SYT17: variants seen among roughly 807,000 people sequenced by gnomAD.
The protein encoded by SYT17 is synaptotagmin 17.
A neutral mutation model predicts 46.7 loss-of-function variants in SYT17; 22 were observed. The ratio of observed to expected loss-of-function variants is 0.47; its 90% CI spans 0.34 to 0.67. The LOEUF (loss-of-function observed/expected upper bound fraction) is 0.67, where lower values mean the gene tolerates loss of function less well. Among genes scored for constraint, SYT17 ranks in the 30% least tolerant of loss-of-function variants. SYT17 has a pLI of 0.01. For missense variants in SYT17, 519 were observed against 612.8 expected (o/e 0.85, Z 1.62); for synonymous variants, 251 against 248.4 (o/e 1.01, Z -0.10).
chr16:19,219,764 C>G lies in SYT17; in HGVS notation c.952-3281C>G, dbSNP rs58676816. Among the ~76,000 whole-genome samples, 1,029 of 152,326 alleles carry G rather than the reference C, an allele frequency of 6.8e-3. 14 individuals carry two copies. Among genetic ancestry groups the G allele is most frequent in the African/African-American group, 0.023 (972 of 41,560 alleles). On this transcript the variant is annotated intron_variant, in intron 5 of 7. Coordinates refer to ENST00000355377, the MANE Select transcript of SYT17 (RefSeq NM_016524.4). ...AAATCTGTGTGCTATCCATCCCCCCCACAGGAGTGTATGTTCCATAAAGTC... is the reference window on the plus strand; with the variant it reads ...AAATCTGTGTGCTATCCATCCCCCCGACAGGAGTGTATGTTCCATAAAGTC...
intron 5 of SYT17, among the ~76,000 whole-genome samples, chr16:19,204,801 A>G (rs1025997911): frequency 1.3e-4 from 20 of 152,004 alleles, no homozygotes; most frequent in Non-Finnish European, 2.9e-4. Context: ...CAGCTTTGGA[A>G]ACACTGAACT....
intron 7 of SYT17, among the ~76,000 whole-genome samples, chr16:19,236,672 A>C (rs1222609273): frequency 2.0e-5 from 3 of 152,248 alleles, no homozygotes; most frequent in Non-Finnish European, 4.4e-5. Context: ...CATAGGGCAG[A>C]GTCCAGGAGG....
At chr16:19,249,955 A>T (rs74011561) in intron 7 of SYT17, 2 of 1,536,034 alleles carry the variant, frequency 1.3e-6, no homozygotes, top group African/African-American at 2.7e-5. Flanking sequence ...CAACAGCCCC[A>T]TACCAGCCTG....
Position 19,168,836 on chromosome 16 carries a change from A to G in SYT17, c.15+175A>G, listed in dbSNP as rs1007019764. Among the ~76,000 whole-genome samples the G allele has an allele frequency of 6.6e-6, 1 of 151,870 alleles. No homozygotes were observed. Among genetic ancestry groups the G allele is most frequent in the Non-Finnish European group, 1.5e-5 (1 of 67,938 alleles). ...AGCAACAGGGGTGCGCCCCGGGAGG[A>G]GAGACTGGGGACCCCCAAACCCCGG... On this transcript the variant is annotated intron_variant, in intron 1 of 7. Coordinates refer to ENST00000355377, the MANE Select transcript of SYT17 (RefSeq NM_016524.4). The surrounding 1 kb of genome is among the most constrained non-coding windows in gnomAD (Gnocchi z 6.9).
intron 1 of SYT17, among the ~76,000 whole-genome samples, chr16:19,169,129 C>A (rs1052115398): frequency 1.3e-5 from 2 of 152,182 alleles, no homozygotes; most frequent in African/African-American, 4.8e-5. Flanking sequence ...GTCGTCTCTC[C>A]TGGGCACTGG....
intron 7 of SYT17, among the ~76,000 whole-genome samples, chr16:19,241,576 C>T (rs1967127800): frequency 6.6e-6 from 1 of 152,202 alleles, no homozygotes; most frequent in South Asian, 2.1e-4. Flanking sequence ...GGGTCGCTCT[C>T]TGCCCACTCC....
At chr16:19,249,945 C>T (rs1967919250) in intron 7 of SYT17, 2 of 1,535,652 alleles carry the variant, frequency 1.3e-6, no homozygotes, top group Non-Finnish European at 1.7e-6. Flanking sequence ...CTCTAGGATC[C>T]AACAGCCCCA....
chr16:19,267,347 G>A lies in SYT17; in HGVS notation c.*271G>A. On this transcript the variant is annotated 3_prime_UTR_variant, in exon 8 of 8. Coordinates refer to ENST00000355377, the MANE Select transcript of SYT17 (RefSeq NM_016524.4). ...CACAAGCTCAGTGGGCTCTGCCGTG[G>A]GACTTATTGGCAGTGCCTGCTCTTG... The A allele has an allele frequency of 3.0e-6, 1 of 328,858 alleles. No homozygotes were observed. The highest frequency in any genetic ancestry group is 5.5e-6 in the Non-Finnish European group (1 of 180,614). 20.4% of individuals were successfully genotyped at this position (328,858 alleles called of 1,614,324 possible).
At chr16:19,229,536 C>A (rs1966608814) in intron 7 of SYT17, among the ~76,000 whole-genome samples, 1 of 152,186 alleles carries the variant, frequency 6.6e-6, no homozygotes, top group Admixed American at 6.5e-5. Flanking sequence ...GATCCATCAC[C>A]TCCCACCAGG....
At chr16:19,176,176 T>G (rs1230786878) in intron 3 of SYT17, among the ~76,000 whole-genome samples, 2 of 152,198 alleles carry the variant, frequency 1.3e-5, no homozygotes, top group Non-Finnish European at 2.9e-5. Context: ...TCTTCTGTAT[T>G]GGCCTCATTG....
intron 5 of SYT17, among the ~76,000 whole-genome samples, chr16:19,216,619 G>C (rs1966106385): frequency 6.6e-6 from 1 of 152,066 alleles, no homozygotes; most frequent in Non-Finnish European, 1.5e-5. Flanking sequence ...ACTTATGAGT[G>C]AGAACATGCG....
At chr16:19,199,099 G>A (rs28648068) in intron 5 of SYT17, among the ~76,000 whole-genome samples, 159 of 152,322 alleles carry the variant, frequency 1.0e-3, no homozygotes, top group African/African-American at 3.7e-3. Context: ...GACCACATAT[G>A]TATGGCAGGT....
chr16:19,218,498 G>A (rs900358161), intron 5 of SYT17, among the ~76,000 whole-genome samples: 3 of 152,188 alleles, frequency 2.0e-5, no homozygotes, highest in African/African-American at 7.2e-5. Flanking sequence ...TCTGCAAAGG[G>A]AAGAAGGAAT....
At chr16:19,264,320 TC>T (rs1454760763) in intron 7 of SYT17, among the ~76,000 whole-genome samples, 1 of 152,222 alleles carries the variant, frequency 6.6e-6, no homozygotes, top group Non-Finnish European at 1.5e-5. Flanking sequence ...TTGACTGTGT[TC>T]CAATAAAACT....
chr16:19,198,987 G>T (rs1397307814), intron 5 of SYT17, among the ~76,000 whole-genome samples: 2 of 152,182 alleles, frequency 1.3e-5, no homozygotes, highest in Non-Finnish European at 2.9e-5. Flanking sequence ...TGGTCGGTGG[G>T]TGGGTGGCCC....
chr16:19,168,259 T>C lies in SYT17; in HGVS notation c.-388T>C. ...TCCTGCGCGCTCCGGCCCCGGCGTCTCCGGCCCCGCCTGCGCTGGGGTCGC... is the reference window on the plus strand; with the variant it reads ...TCCTGCGCGCTCCGGCCCCGGCGTCCCCGGCCCCGCCTGCGCTGGGGTCGC... On this transcript the variant is annotated 5_prime_UTR_variant, in exon 1 of 8. Coordinates refer to ENST00000355377, the MANE Select transcript of SYT17 (RefSeq NM_016524.4). This position sits in a 1 kb window ranked among gnomAD's most constrained non-coding sequence, Gnocchi z 6.9. The C allele has an allele frequency of 5.7e-6, 1 of 175,564 alleles. No homozygotes were observed. The highest frequency in any genetic ancestry group is 1.2e-4 in the South Asian group (1 of 8,298). The allele number at this position is 175,564 out of a possible 1,614,324, so 10.9% of individuals were successfully genotyped here.
At chr16:19,217,511 T>G (rs1596968335) in intron 5 of SYT17, among the ~76,000 whole-genome samples, 1 of 152,312 alleles carries the variant, frequency 6.6e-6, no homozygotes. Context: ...TTTTTTGAGG[T>G]TTGTCTACAT....
chr16:19,201,108 C>T (rs1002956178), intron 5 of SYT17, among the ~76,000 whole-genome samples: 1 of 152,196 alleles, frequency 6.6e-6, no homozygotes, highest in Non-Finnish European at 1.5e-5. Flanking sequence ...TACTGCCGGA[C>T]AGTCCAGGGG....
At chr16:19,262,343 G>C (rs950702684) in intron 7 of SYT17, among the ~76,000 whole-genome samples, 1 of 152,146 alleles carries the variant, frequency 6.6e-6, no homozygotes, top group African/African-American at 2.4e-5. Context: ...GCATGAGAAG[G>C]CACCACCTAT....
Sources: allele counts gnomAD v4.1 joint callset (sites outside exome capture counted in the v4.1 genomes callset), GRCh38; gene constraint gnomAD v4.1.1; non-coding constraint Gnocchi (gnomAD v3.1); transcripts MANE v1.5; gene names NCBI Gene and HGNC (gene_info 2026-07-23, HGNC 2026-07-21).